MBNL2: variants seen among roughly 807,000 people sequenced by gnomAD.
MBNL2 encodes the protein muscleblind-like protein 2.
Under a neutral mutation model 41.9 loss-of-function variants are expected in MBNL2, and 17 were observed. The ratio of observed to expected loss-of-function variants is 0.41; its 90% confidence interval spans 0.28 to 0.61. The LOEUF (loss-of-function observed/expected upper bound fraction) is 0.61, where lower values mean the gene tolerates loss of function less well. Among genes scored for constraint, MBNL2 ranks in the 20% least tolerant of loss-of-function variants. The pLI, the probability that MBNL2 is intolerant of heterozygous loss-of-function variation, is 0.35. For synonymous variants in MBNL2, 195 were observed against 182.9 expected (o/e 1.07, Z -0.53); for missense variants, 336 against 505.6 (o/e 0.66, Z 3.22).
chr13:97,347,061 A>T lies in MBNL2; in HGVS notation c.798A>T (p.Thr266=), dbSNP rs776632249. Residue 266 remains threonine (T), a synonymous_variant, in exon 5 of 9, where the codon ACA becomes ACT. Coordinates refer to ENST00000679496, the MANE Select transcript of MBNL2 (RefSeq NM_001382683.1). ...CCCAGGCAGCCGCGGCCGCGGCCACAGTCATGGTAAGTGCGGCCGCCCGCC... is the reference window on the plus strand; with the variant it reads ...CCCAGGCAGCCGCGGCCGCGGCCACTGTCATGGTAAGTGCGGCCGCCCGCC... ...VAAQAAAAAA[T]VMTQSTAKAM... 68 of 1,588,866 alleles carry T rather than the reference A, an allele frequency of 4.3e-5. No homozygotes were observed. The highest frequency in any genetic ancestry group is 5.6e-5 in the Non-Finnish European group (65 of 1,168,020).
intron 8 of MBNL2, among the ~76,000 whole-genome samples, chr13:97,390,124 C>T (rs1236553056): frequency 6.6e-6 from 1 of 152,026 alleles, no homozygotes; most frequent in Non-Finnish European, 1.5e-5. Flanking sequence ...TTTAAGTTTC[C>T]ATTTACTATA....
intron 8 of MBNL2, among the ~76,000 whole-genome samples, chr13:97,388,149 C>T (rs1383767134): frequency 6.6e-6 from 1 of 152,094 alleles, no homozygotes; most frequent in African/African-American, 2.4e-5. Flanking sequence ...GGTTGATCCA[C>T]ATCAGATGAG....
At chr13:97,287,721 C>CTTTTTTTTTTTTTTTTTTTTTT (rs768809008) in intron 2 of MBNL2, among the ~76,000 whole-genome samples, 2 of 114,902 alleles carry the variant, frequency 1.7e-5, no homozygotes, top group Non-Finnish European at 1.7e-5. Flanking sequence ...CTTTTCTTTT[C>CTTTTTTTTTTTTTTTTTTTTTT]TTTTTTTTTT....
chr13:97,285,524 C>G (rs1473787804), intron 2 of MBNL2, among the ~76,000 whole-genome samples: 1 of 152,170 alleles, frequency 6.6e-6, no homozygotes. Flanking sequence ...TCAACAGAAA[C>G]AGAAATTCAA....
At chr13:97,238,157 A>C (rs565580573) in intron 1 of MBNL2, among the ~76,000 whole-genome samples, 13 of 152,358 alleles carry the variant, frequency 8.5e-5, no homozygotes, top group African/African-American at 2.9e-4. Flanking sequence ...AGGCTTCTGT[A>C]GCGTGTGGAG....
chr13:97,164,480 A>G, the MBNL2 span, among the ~76,000 whole-genome samples: 1 of 152,224 alleles, frequency 6.6e-6, no homozygotes, highest in South Asian at 2.1e-4. Context: ...AAATCAATCA[A>G]TGAACAATTA....
chr13:97,379,483 TAAC>T (rs2065240353), intron 8 of MBNL2, among the ~76,000 whole-genome samples: 1 of 152,170 alleles, frequency 6.6e-6, no homozygotes, highest in Admixed American at 6.5e-5. Flanking sequence ...CAGGTAAACG[TAAC>T]AACACTAGTT....
chr13:97,230,542 T>A (rs1372803593), intron 1 of MBNL2, among the ~76,000 whole-genome samples: 1 of 152,200 alleles, frequency 6.6e-6, no homozygotes, highest in Non-Finnish European at 1.5e-5. Flanking sequence ...TGCTCACACC[T>A]CGTGAAAGAA....
At chr13:97,299,652 C>G (rs1594177855) in intron 2 of MBNL2, among the ~76,000 whole-genome samples, 2 of 112,384 alleles carry the variant, frequency 1.8e-5, no homozygotes, top group African/African-American at 1.0e-4. Flanking sequence ...ATTACTATAT[C>G]TATCTATCTA....
At chr13:97,297,841 A>G (rs1374938763) in intron 2 of MBNL2, among the ~76,000 whole-genome samples, 1 of 152,236 alleles carries the variant, frequency 6.6e-6, no homozygotes, top group Non-Finnish European at 1.5e-5. Flanking sequence ...CTGTCATTCT[A>G]AACAAGCAAA....
chr13:97,381,556 GA>G (rs1206444658), intron 8 of MBNL2, among the ~76,000 whole-genome samples: 1 of 151,356 alleles, frequency 6.6e-6, no homozygotes, highest in Non-Finnish European at 1.5e-5. Flanking sequence ...TTATTACTGG[GA>G]GCAAAATCTC....
At chr13:97,205,158 G>T in the MBNL2 span, among the ~76,000 whole-genome samples, 16 of 146,876 alleles carry the variant, frequency 1.1e-4, no homozygotes, top group African/African-American at 3.7e-4. Context: ...GAGACAGAGT[G>T]AGACTCTGTC....
At chr13:97,385,332 A>G (rs1447381213) in intron 8 of MBNL2, among the ~76,000 whole-genome samples, 1 of 152,182 alleles carries the variant, frequency 6.6e-6, no homozygotes, top group Non-Finnish European at 1.5e-5. Context: ...ATCAAGATGC[A>G]TTGAGATTCC....
chr13:97,194,331 G>A, the MBNL2 span, among the ~76,000 whole-genome samples: 1 of 152,136 alleles, frequency 6.6e-6, no homozygotes, highest in African/African-American at 2.4e-5. Flanking sequence ...GTACATAGGT[G>A]GGCTCCTTAA....
chr13:97,343,581 A>G (rs989639446), intron 4 of MBNL2, among the ~76,000 whole-genome samples: 7 of 152,186 alleles, frequency 4.6e-5, no homozygotes, highest in African/African-American at 1.2e-4. Context: ...GACCCTGGAA[A>G]GTTCTGGAAA....
Position 97,375,055 on chromosome 13 carries a change from G to A in MBNL2, c.1048+9884G>A, listed in dbSNP as rs545585536. 6.0e-5 allele frequency among the ~76,000 whole-genome samples: 9 copies of A among 150,830 alleles called. No individual in the cohort carries two copies. The South Asian group carries it at 1.5e-3, about 25-fold the overall frequency. On this transcript the variant is annotated intron_variant, in intron 8 of 8. Transcript: ENST00000679496. ...CCTACCTTCTCACACGTCTGCCTGC[G>A]CATTTGGGGAAGTTGACAGCTTTTC...
At chr13:97,289,577 A>T (rs1381538321) in intron 2 of MBNL2, among the ~76,000 whole-genome samples, 1 of 152,250 alleles carries the variant, frequency 6.6e-6, no homozygotes, top group Admixed American at 6.5e-5. Flanking sequence ...TGTAAAGTCA[A>T]GGAGAAAGAC....
Position 97,389,425 on chromosome 13 carries a change from T to C in MBNL2, c.1049-1897T>C, listed in dbSNP as rs1016737482. ...TTATATATCAATTTAAGAAACTGGC[T>C]GGGTACAGTGGCTCACGCCTATAAT... On this transcript the variant is annotated intron_variant, in intron 8 of 8. Transcript: ENST00000679496. Among the ~76,000 whole-genome samples, 8 of 152,176 alleles carry C rather than the reference T, an allele frequency of 5.3e-5. 1 individual carries two copies. In the South Asian group the frequency reaches 6.2e-4, roughly 12 times the overall value.
chr13:97,302,848 G>A (rs2057760257), intron 2 of MBNL2, among the ~76,000 whole-genome samples: 1 of 152,188 alleles, frequency 6.6e-6, no homozygotes, highest in African/African-American at 2.4e-5. Flanking sequence ...CAGTGAAGAA[G>A]GGAGGGAGGG....
Sources: allele counts gnomAD v4.1 joint callset (sites outside exome capture counted in the v4.1 genomes callset), GRCh38; gene constraint gnomAD v4.1.1; transcripts MANE v1.5; gene names NCBI Gene and HGNC (gene_info 2026-07-23, HGNC 2026-07-21).